FKBP1B: variants seen among roughly 807,000 people sequenced by gnomAD.
FKBP1B encodes peptidyl-prolyl cis-trans isomerase FKBP1B.
FKBP1B carries 4 observed loss-of-function variants against 13.5 expected under a neutral mutation model. That is an observed-to-expected ratio of 0.30 (90% CI 0.15 to 0.68). The LOEUF (loss-of-function observed/expected upper bound fraction) is 0.68, where lower values mean the gene tolerates loss of function less well. Ranked by LOEUF, FKBP1B falls within the 30% of genes least tolerant of loss-of-function variation. The probability of loss-of-function intolerance (pLI) is 0.76; values close to 1 mark genes in which losing one functional copy is unlikely to be tolerated. For synonymous variants in FKBP1B, 54 were observed against 53.6 expected (o/e 1.01, Z -0.03); for missense variants, 93 against 136.2 (o/e 0.68, Z 1.58).
chr2:24,055,090 A>G (rs901545078), intron 2 of FKBP1B, among the ~76,000 whole-genome samples: 1 of 152,178 alleles, frequency 6.6e-6, no homozygotes. Context: ...ACTACCACCT[A>G]GAGAAGCATA....
chr2:24,044,303 T>C, the FKBP1B span, among the ~76,000 whole-genome samples: 4 of 152,052 alleles, frequency 2.6e-5, no homozygotes, highest in African/African-American at 9.7e-5. Context: ...ACAGTCTTGC[T>C]CCGTTACCCA....
chr2:24,054,450 A>G (rs1311441335), intron 2 of FKBP1B: 1 of 183,778 alleles, frequency 5.4e-6, no homozygotes, highest in African/African-American at 2.4e-5. Context: ...GACTGATCCC[A>G]GTTGGATGCT....
At chr2:24,055,953 T>C (rs983240786) in intron 2 of FKBP1B, among the ~76,000 whole-genome samples, 2 of 152,204 alleles carry the variant, frequency 1.3e-5, no homozygotes, top group African/African-American at 4.8e-5. Flanking sequence ...AGTTACCCTG[T>C]GTCCTCCCCA....
chr2:24,048,627 T>C (rs1663710703), upstream of FKBP1B, among the ~76,000 whole-genome samples: 1 of 151,972 alleles, frequency 6.6e-6, no homozygotes, highest in Admixed American at 6.6e-5. Context: ...ATTGATATAC[T>C]TGGCCTCACA....
intron 2 of FKBP1B, among the ~76,000 whole-genome samples, chr2:24,055,163 C>T (rs1210950159): frequency 1.3e-5 from 2 of 151,470 alleles, no homozygotes; most frequent in Non-Finnish European, 2.9e-5. Context: ...CCAGTCATTT[C>T]ACCTCCCTAG....
chr2:24,045,944 A>C (rs995731903), upstream of FKBP1B: 1 of 152,150 alleles, frequency 6.6e-6, no homozygotes, highest in Non-Finnish European at 1.5e-5. Flanking sequence ...AAAAAGGAAA[A>C]TAAAAAATAA....
At chr2:24,052,363 G>C (rs1221890066) in intron 1 of FKBP1B, among the ~76,000 whole-genome samples, 3 of 152,166 alleles carry the variant, frequency 2.0e-5, no homozygotes, top group Non-Finnish European at 4.4e-5. Flanking sequence ...AGCCCTGCAT[G>C]ATCCATGTCC....
At chr2:24,034,574 C>CTT in the FKBP1B span, among the ~76,000 whole-genome samples, 556 of 138,010 alleles carry the variant, frequency 4.0e-3, 11 homozygotes, top group East Asian at 0.015. Context: ...GGCAACAAAA[C>CTT]TTTTTTTTTT....
At chr2:24,054,058 A>T in intron 2 of FKBP1B, 109 bp downstream of exon 2, 1 of 1,057,650 alleles carries the variant, frequency 9.5e-7, no homozygotes, top group Non-Finnish European at 1.5e-6. Flanking sequence ...CTAAAGCCCA[A>T]GGCAGCAGGG....
chr2:24,051,204 C>T (rs1355891778), intron 1 of FKBP1B, among the ~76,000 whole-genome samples: 2 of 152,156 alleles, frequency 1.3e-5, no homozygotes, highest in South Asian at 2.1e-4. Flanking sequence ...CATGGTGGTA[C>T]GCACCTGTAA....
chr2:24,038,400 C>T, the FKBP1B span: 3 of 1,614,028 alleles, frequency 1.9e-6, no homozygotes, highest in African/African-American at 1.3e-5. Context: ...CAGAGTAGAT[C>T]AAAATTATAT....
the FKBP1B span, among the ~76,000 whole-genome samples, chr2:24,040,985 C>T: frequency 6.6e-6 from 1 of 151,904 alleles, no homozygotes; most frequent in Non-Finnish European, 1.5e-5. Context: ...CATTGCACTC[C>T]AGCCTGGGTA....
chr2:24,039,882 C>CT, the FKBP1B span, among the ~76,000 whole-genome samples: 1 of 152,118 alleles, frequency 6.6e-6, no homozygotes, highest in Non-Finnish European at 1.5e-5. Context: ...ACTTCAACCT[C>CT]TGCCTCCTGG....
chr2:24,048,494 G>A (rs1033942735), upstream of FKBP1B, among the ~76,000 whole-genome samples: 2 of 147,586 alleles, frequency 1.4e-5, no homozygotes, highest in Admixed American at 1.3e-4. Context: ...AAAAAAAGGA[G>A]AGAGAGAGAG....
the FKBP1B span, among the ~76,000 whole-genome samples, chr2:24,034,076 G>T: frequency 0.82 from 125,545 of 152,246 alleles, 52,388 homozygotes; most frequent in East Asian, 0.96. Context: ...TTTGATTATT[G>T]TGTAACTTTT....
chr2:24,038,874 G>A, the FKBP1B span: 3 of 1,614,234 alleles, frequency 1.9e-6, no homozygotes, highest in Admixed American at 5.0e-5. Context: ...CTGTGATGGA[G>A]CAGACGTGGC....
chr2:24,048,680 T>A (rs892760632), upstream of FKBP1B, among the ~76,000 whole-genome samples: 21 of 151,890 alleles, frequency 1.4e-4, no homozygotes, highest in African/African-American at 4.8e-4. Context: ...GGGGAAAAAA[T>A]TTTAAAAGTC....
At chr2:24,039,451 G>A in the FKBP1B span, 14 of 1,614,066 alleles carry the variant, frequency 8.7e-6, no homozygotes, top group South Asian at 2.2e-5. Context: ...TTGATGCAAC[G>A]CATTCAGTCC....
At chr2:24,036,622 T>C in the FKBP1B span, among the ~76,000 whole-genome samples, 1 of 152,372 alleles carries the variant, frequency 6.6e-6, no homozygotes, top group East Asian at 1.9e-4. Context: ...TATGAATGGA[T>C]ACATATAAGA....
Sources: gnomAD v4.1 joint callset for allele counts (sites outside exome capture counted in the v4.1 genomes callset) on GRCh38, gnomAD v4.1.1 for gene constraint, MANE v1.5 for transcripts, NCBI Gene and HGNC (gene_info 2026-07-23, HGNC 2026-07-21) for gene names.